The following TAS2R1 variants were observed in gnomAD, a reference collection of about 807,000 sequenced individuals.
TAS2R1 encodes taste 2 receptor member 1.
For missense variants in TAS2R1, 370 were observed against 353.4 expected, an observed-to-expected ratio of 1.05 and a Z score of -0.38; for synonymous variants, 141 against 134.2, an observed-to-expected ratio of 1.05 and a Z score of -0.35.
In TAS2R1 at chr5:9,707,084, T is replaced by G. The variant is rs181862295; in HGVS notation, c.-242+5088A>C. ...AGAAAAATCCTAAGCTCTTTAAGGT[T>G]CTTATTTCTAACAGCAGTCACTGCC... On this transcript the variant is annotated intron_variant, in intron 1 of 2. Coordinates refer to the TAS2R1 transcript ENST00000506620. Among the ~76,000 whole-genome samples, 536 of 152,266 alleles carry G rather than the reference T, an allele frequency of 3.5e-3. 6 individuals are homozygous for G. Among genetic ancestry groups the G allele is most frequent in the African/African-American group, 0.012 (511 of 41,542 alleles).
At chr5:9,888,836 A>G in the TAS2R1 span, among the ~76,000 whole-genome samples, 1 of 152,174 alleles carries the variant, frequency 6.6e-6, no homozygotes, top group African/African-American at 2.4e-5. Flanking sequence ...CAGTGAGAGG[A>G]GCCCAAGCAA....
chr5:9,649,850 G>A (rs1381504697), intron 2 of TAS2R1, among the ~76,000 whole-genome samples: 4 of 152,136 alleles, frequency 2.6e-5, no homozygotes, highest in Non-Finnish European at 5.9e-5. Context: ...GGGGGAAAAG[G>A]TTTTGAGAGG....
the TAS2R1 span, among the ~76,000 whole-genome samples, chr5:9,750,664 C>T: frequency 6.6e-6 from 1 of 152,210 alleles, no homozygotes; most frequent in Admixed American, 6.5e-5. Flanking sequence ...CAGCACATAA[C>T]TCATCACAAT....
chr5:9,761,772 G>A, the TAS2R1 span, among the ~76,000 whole-genome samples: 8 of 152,140 alleles, frequency 5.3e-5, no homozygotes, highest in Non-Finnish European at 1.0e-4. Context: ...GCACAGCTCC[G>A]TAATCATGAC....
At chr5:9,711,040 C>T (rs1741725438) in intron 1 of TAS2R1, among the ~76,000 whole-genome samples, 1 of 150,096 alleles carries the variant, frequency 6.7e-6, no homozygotes, top group Non-Finnish European at 1.5e-5. Flanking sequence ...AATAGAAACC[C>T]TTGTGCATTG....
At chr5:9,725,474 G>A in the TAS2R1 span, among the ~76,000 whole-genome samples, 6 of 152,342 alleles carry the variant, frequency 3.9e-5, no homozygotes, top group African/African-American at 1.4e-4. Context: ...CAGCAGCTGT[G>A]AAGGGTGTAC....
Position 9,629,169 on chromosome 5 carries a change from T to G in TAS2R1, c.864A>C (p.Ala288=), listed in dbSNP as rs776949884. 1.1e-5 allele frequency: 17 copies of G among 1,584,946 alleles called. No homozygotes were observed. Among genetic ancestry groups the G allele is most frequent in the Admixed American group, 3.7e-5 (2 of 53,396 alleles). ...ILGNPKLKQN[A]KKFLLHSKCC... ...ACTTACTGTGGAGGAGGAACTTTTTTGCATTTTGTTTCAATTTAGGATTTC... is the reference window on the plus strand; with the variant it reads ...ACTTACTGTGGAGGAGGAACTTTTTGGCATTTTGTTTCAATTTAGGATTTC... Residue 288 remains alanine, a synonymous_variant, in exon 1 of 1, where the codon GCA becomes GCC. Coordinates refer to ENST00000382492, the MANE Select transcript of TAS2R1 (RefSeq NM_019599.3).
chr5:9,639,575 G>A (rs1303007679), intron 2 of TAS2R1, among the ~76,000 whole-genome samples: 1 of 152,096 alleles, frequency 6.6e-6, no homozygotes, highest in Non-Finnish European at 1.5e-5. Flanking sequence ...AAAAGATCAT[G>A]ATGTGAGTCT....
chr5:9,631,148 G>C (rs1432763269), upstream of TAS2R1, among the ~76,000 whole-genome samples: 1 of 152,080 alleles, frequency 6.6e-6, no homozygotes, highest in Non-Finnish European at 1.5e-5. Flanking sequence ...CACTATGACG[G>C]GACAAAGGTA....
At chr5:9,729,338 T>G in the TAS2R1 span, among the ~76,000 whole-genome samples, 1 of 152,136 alleles carries the variant, frequency 6.6e-6, no homozygotes, top group South Asian at 2.1e-4. Context: ...GTCAGGCTGG[T>G]GGGCAAGTTG....
At chr5:9,694,124 T>C (rs1165866117) in intron 1 of TAS2R1, among the ~76,000 whole-genome samples, 1 of 151,884 alleles carries the variant, frequency 6.6e-6, no homozygotes, top group Admixed American at 6.6e-5. Context: ...TTGTAACTAA[T>C]TAGGTCCCCT....
At chr5:9,719,725 G>A in the TAS2R1 span, among the ~76,000 whole-genome samples, 1 of 151,602 alleles carries the variant, frequency 6.6e-6, no homozygotes, top group African/African-American at 2.4e-5. Flanking sequence ...TCAGGAAATC[G>A]AGACCACGGT....
chr5:9,640,996 C>G (rs1233256208), intron 2 of TAS2R1, among the ~76,000 whole-genome samples: 1 of 152,042 alleles, frequency 6.6e-6, no homozygotes, highest in Non-Finnish European at 1.5e-5. Context: ...CTGTACTGAT[C>G]CCGTGGTGTG....
At chr5:9,839,427 A>T in the TAS2R1 span, among the ~76,000 whole-genome samples, 8 of 152,228 alleles carry the variant, frequency 5.3e-5, no homozygotes, top group East Asian at 1.5e-3. Context: ...AGCAGATCTC[A>T]TAAGTAAATG....
the TAS2R1 span, among the ~76,000 whole-genome samples, chr5:9,765,066 A>G: frequency 6.6e-6 from 1 of 152,076 alleles, no homozygotes; most frequent in African/African-American, 2.4e-5. Context: ...ACACATATAT[A>G]CACACACACA....
chr5:9,858,346 G>A, the TAS2R1 span, among the ~76,000 whole-genome samples: 1 of 152,144 alleles, frequency 6.6e-6, no homozygotes, highest in Non-Finnish European at 1.5e-5. Context: ...TGGCATCCAA[G>A]GCAAAGTGCA....
upstream of TAS2R1, among the ~76,000 whole-genome samples, chr5:9,715,187 A>T (rs534799615): frequency 6.6e-6 from 1 of 152,350 alleles, no homozygotes; most frequent in African/African-American, 2.4e-5. Flanking sequence ...TGAAAGAACT[A>T]AACGTGTGTG....
At chr5:9,677,447 A>AT (rs1286565667) in intron 1 of TAS2R1, among the ~76,000 whole-genome samples, 1 of 74,840 alleles carries the variant, frequency 1.3e-5, no homozygotes, top group Non-Finnish European at 3.9e-5. Flanking sequence ...ACAAGACAGA[A>AT]TTAAAAAAAA....
the TAS2R1 span, among the ~76,000 whole-genome samples, chr5:9,767,913 G>C: frequency 9.1e-6 from 1 of 109,590 alleles, no homozygotes; most frequent in Admixed American, 1.2e-4. Flanking sequence ...CACAGAGCGA[G>C]ACTCCGTCTC....
Sources: gnomAD v4.1 joint callset for allele counts (sites outside exome capture counted in the v4.1 genomes callset) on GRCh38, gnomAD v4.1.1 for gene constraint, MANE v1.5 for transcripts, NCBI Gene and HGNC (gene_info 2026-07-23, HGNC 2026-07-21) for gene names.